Variants in KCNH6 observed in about 807,000 individuals in gnomAD.
KCNH6 encodes voltage-gated inwardly rectifying potassium channel KCNH6.
In KCNH6, 81 loss-of-function variants were observed where a neutral mutation model predicts 83.4. The observed-to-expected ratio is 0.97, with a 90% confidence interval of 0.81 to 1.17. The LOEUF is 1.17. Ranked by LOEUF, KCNH6 falls within the 50% of genes most tolerant of loss-of-function variation. The pLI, the probability that KCNH6 is intolerant of heterozygous loss-of-function variation, is 0.00. For synonymous variants in KCNH6, 503 were observed against 545.6 expected (o/e 0.92, Z 1.09); for missense variants, 1,203 against 1,290.5 (o/e 0.93, Z 1.04).
Position 63,523,483 on chromosome 17 carries a change from G to C in KCNH6, c.70G>C (p.Gly24Arg). Residue 24 changes from glycine (G) to arginine (R), a missense_variant, in exon 1 of 13, where the codon GGC (glycine) becomes CGC (arginine). Coordinates refer to ENST00000314672, the MANE Select transcript of KCNH6 (RefSeq NM_001278919.2). The surrounding 1 kb of genome is among the most constrained non-coding windows in gnomAD (Gnocchi z 4.2). The stretch of plus-strand genomic sequence containing the variant: ...GGACACCATCATCCGCAAGTTCGAG[G>C]GCCAAAGTGAGTGTGTGTATGTTGG... ...YLDTIIRKFEGQSRKFLIANA... is the reference protein window; with the variant it reads ...YLDTIIRKFERQSRKFLIANA... 6.2e-7 allele frequency: 1 copy of C among 1,605,562 alleles called. No individual in the cohort carries two copies. Among genetic ancestry groups the C allele is most frequent in the Non-Finnish European group, 8.5e-7 (1 of 1,175,918 alleles).
intron 10 of KCNH6, chr17:63,543,969 C>T (rs76957877): frequency 0.23 from 261,682 of 1,138,164 alleles, 32,088 homozygotes; most frequent in Middle Eastern, 0.26. Context: ...GGCTGCAGCT[C>T]CCTGGGCAGT....
intron 8 of KCNH6, among the ~76,000 whole-genome samples, chr17:63,541,954 T>C (rs2032885913): frequency 6.6e-6 from 1 of 152,080 alleles, no homozygotes. Flanking sequence ...GAGTATGGGC[T>C]ACAGGAGGGA....
Position 63,530,366 on chromosome 17 carries a change from G to A in KCNH6, c.499G>A (p.Gly167Arg), listed in dbSNP as rs750883087. The A allele has an allele frequency of 1.9e-6, 3 of 1,614,166 alleles. No homozygotes were observed. The highest frequency in any genetic ancestry group is 2.5e-6 in the Non-Finnish European group (3 of 1,179,996). The change falls in exon 4 of 13, where the codon GGG becomes AGG. Residue 167 changes from glycine to arginine, a missense_variant. Gly to Arg is a moderately radical substitution (Grantham distance 125, BLOSUM62 -2). Coordinates refer to ENST00000314672, the MANE Select transcript of KCNH6 (RefSeq NM_001278919.2). ...EGSHGRPGGPGPGTGRGKYRT... is the reference protein window; with the variant it reads ...EGSHGRPGGPRPGTGRGKYRT... ...CTCTCATGGCAGGCCAGGCGGACCA[G>A]GGCCAGGCACAGGCAGGGGCAAGTA...
At chr17:63,540,838 C>A (rs1334951172) in intron 8 of KCNH6, among the ~76,000 whole-genome samples, 1 of 152,230 alleles carries the variant, frequency 6.6e-6, no homozygotes, top group Non-Finnish European at 1.5e-5. Flanking sequence ...CGGCCCTGGG[C>A]TCTCCACCCC....
Position 63,530,318 on chromosome 17 carries a change from C to A in KCNH6, c.470-19C>A, listed in dbSNP as rs1283768280. 5 of 1,614,034 alleles carry A rather than the reference C, an allele frequency of 3.1e-6. No homozygotes were observed. The African/African-American group carries it at 6.7e-5, about 22-fold the overall frequency. ...GGTCCCCTGGCCGTGGCTGCTCTGA[C>A]TCCTGGCCCTGGTTTCAGAGGGCTC... is the stretch of plus-strand genomic sequence containing the variant. On this transcript the variant is annotated intron_variant, in intron 3 of 12. Coordinates refer to ENST00000314672, the MANE Select transcript of KCNH6 (RefSeq NM_001278919.2).
chr17:63,538,207 C>T lies in KCNH6; in HGVS notation c.1644C>T (p.Arg548=). The change falls in exon 7 of 13, where the codon CGC becomes CGT. Residue 548 remains arginine, a synonymous_variant. Transcript: ENST00000314672. This position sits in a 1 kb window ranked among gnomAD's most constrained non-coding sequence, Gnocchi z 4.0. The part of the protein sequence containing the change: ...FHQIPNPLRQ[R]LEEYFQHAWS... Reference sequence around the variant, plus strand: ...AGATCCCCAACCCACTGCGCCAGCGCCTGGAGGAGTATTTCCAGCACGCCT... The same window carrying T: ...AGATCCCCAACCCACTGCGCCAGCGTCTGGAGGAGTATTTCCAGCACGCCT... 1.9e-6 allele frequency: 3 copies of T among 1,614,230 alleles called. No homozygotes were observed. Among genetic ancestry groups the T allele is most frequent in the Non-Finnish European group, 2.5e-6 (3 of 1,180,036 alleles).
In KCNH6 at chr17:63,524,286, C is replaced by T. The variant is rs748712626; in HGVS notation, c.224C>T (p.Pro75Leu). ...GACTTCCTCACAGGCCCCAACACAC[C>T]AAGCAGCGCCGTGTCCCGCCTAGCG... ...TCDFLTGPNT[P>L]SSAVSRLAQA... The change falls in exon 2 of 13, where the codon CCA becomes CTA. Residue 75 changes from proline to leucine, a missense_variant. By Grantham distance (98) the Pro-to-Leu change is moderately conservative. Transcript: ENST00000314672. The T allele has an allele frequency of 6.2e-7, 1 of 1,614,010 alleles. No individual in the cohort carries two copies. Among genetic ancestry groups the T allele is most frequent in the Non-Finnish European group, 8.5e-7 (1 of 1,180,044 alleles).
At chr17:63,544,494 G>A in intron 11 of KCNH6, 83 bp downstream of exon 11, 1 of 1,304,296 alleles carries the variant, frequency 7.7e-7, no homozygotes, top group Non-Finnish European at 1.0e-6. Flanking sequence ...GTGCCAGGTG[G>A]GTTTTAGAAT....
intron 2 of KCNH6, among the ~76,000 whole-genome samples, chr17:63,528,476 C>T (rs2031864328): frequency 6.6e-6 from 1 of 152,184 alleles, no homozygotes; most frequent in Non-Finnish European, 1.5e-5. Flanking sequence ...TGCACCCCAG[C>T]TCTGATGGCT....
In KCNH6 at chr17:63,527,000, T is replaced by C. The variant is rs148948154; in HGVS notation, c.307+2631T>C. Reference sequence around the variant, plus strand: ...GGCAGGACTAGAACTGGTGAGAGTTTGGCAGGAAGAAAGGAGAGCACTCAG... The same window carrying C: ...GGCAGGACTAGAACTGGTGAGAGTTCGGCAGGAAGAAAGGAGAGCACTCAG... On this transcript the variant is annotated intron_variant, in intron 2 of 12. Transcript: ENST00000314672. 9.3e-4 allele frequency among the ~76,000 whole-genome samples: 142 copies of C among 152,206 alleles called. 1 individual carries two copies. Among genetic ancestry groups the C allele is most frequent in the African/African-American group, 3.0e-3 (125 of 41,522 alleles).
At chr17:63,544,176 C>A in intron 10 of KCNH6, 73 bp from the exon 11 acceptor site, 1 of 1,603,686 alleles carries the variant, frequency 6.2e-7, no homozygotes, top group Non-Finnish European at 8.5e-7. Context: ...GGGTGGGGGA[C>A]AGGCTCTATT....
Position 63,543,610 on chromosome 17 carries a change from C to T in KCNH6, c.2183C>T (p.Ala728Val), listed in dbSNP as rs756776280. 1 of 1,613,242 alleles carries T rather than the reference C, an allele frequency of 6.2e-7. No homozygotes were observed. The highest frequency in any genetic ancestry group is 2.2e-5 in the East Asian group (1 of 44,888). Residue 728 changes from alanine to valine, a missense_variant, in exon 10 of 13, where the codon GCT (alanine) becomes GTT (valine). Transcript: ENST00000314672. Reference protein sequence around the residue: ...AGGLHSSPRQAPGSQDHQGFF... With the variant: ...AGGLHSSPRQVPGSQDHQGFF... ...GGTCTCCACTCATCCCCCCGACAGG[C>T]TCCTGGCAGCCAAGACCACCAAGGT...
chr17:63,544,179 G>C, intron 10 of KCNH6, 70 bp from the exon 11 acceptor site: 1 of 1,604,390 alleles, frequency 6.2e-7, no homozygotes, highest in African/African-American at 1.3e-5. Flanking sequence ...TGGGGGACAG[G>C]CTCTATTGAG....
At chr17:63,524,831 T>C (rs118171544) in intron 2 of KCNH6, among the ~76,000 whole-genome samples, 1 of 152,280 alleles carries the variant, frequency 6.6e-6, no homozygotes, top group Non-Finnish European at 1.5e-5. Context: ...CTCAGCTCTT[T>C]GGGGAGACAG....
chr17:63,525,628 C>CTG (rs149604056), intron 2 of KCNH6, among the ~76,000 whole-genome samples: 1 of 151,660 alleles, frequency 6.6e-6, no homozygotes, highest in African/African-American at 2.4e-5. Flanking sequence ...AAGTTCACGC[C>CTG]TGTGTGTGTG....
rs1375148550 is a variant in KCNH6, at chr17:63,546,051, G to A, written c.*149G>A. 6.2e-6 allele frequency: 4 copies of A among 641,258 alleles called. No individual in the cohort carries two copies. The highest frequency in any genetic ancestry group is 2.1e-5 in the South Asian group (1 of 46,992). The allele number at this position is 641,258 out of a possible 1,614,324, so 39.7% of individuals were successfully genotyped here. On this transcript the variant is annotated 3_prime_UTR_variant, in exon 13 of 13. Coordinates refer to ENST00000314672, the MANE Select transcript of KCNH6 (RefSeq NM_001278919.2). ...CGGATCAGACCATCCTGGCTAACAC[G>A]GTGAAACCCCACCTCTACTAAAATT...
rs2032685954 is a variant in KCNH6, at chr17:63,538,647, G to A, written c.1939G>A (p.Val647Ile). The A allele has an allele frequency of 6.3e-7, 1 of 1,594,852 alleles. No homozygotes were observed. The highest frequency in any genetic ancestry group is 1.1e-5 in the South Asian group (1 of 88,444). Reference sequence around the variant, plus strand: ...CATCGAGATCCTGCGCGACGACGTGGTCGTGGCCATCCTAGGTGGGTCCGG... The same window carrying A: ...CATCGAGATCCTGCGCGACGACGTGATCGTGGCCATCCTAGGTGGGTCCGG... ...GSIEILRDDV[V>I]VAILGKNDIF... Residue 647 changes from valine (V) to isoleucine (I), a missense_variant, in exon 8 of 13, where the codon GTC (valine) becomes ATC (isoleucine). Transcript: ENST00000314672. This position sits in a 1 kb window ranked among gnomAD's most constrained non-coding sequence, Gnocchi z 4.0.
At chr17:63,532,641 C>A (rs2032199207) in intron 4 of KCNH6, among the ~76,000 whole-genome samples, 1 of 152,210 alleles carries the variant, frequency 6.6e-6, no homozygotes, top group African/African-American at 2.4e-5. Context: ...CAGATAGGGA[C>A]CCTCTGGTTG....
rs778075808 is a variant in KCNH6 at position 63,542,308 on chromosome 17, G to A, written c.2022G>A (p.Val674=). The A allele has an allele frequency of 1.2e-6, 2 of 1,614,052 alleles. No individual in the cohort carries two copies. Among genetic ancestry groups the A allele is most frequent in the Admixed American group, 3.3e-5 (2 of 60,012 alleles). The change falls in exon 9 of 13, where the codon GTG becomes GTA. Residue 674 remains valine, a synonymous_variant. Transcript: ENST00000314672. ...HAQPGKSSAD[V]RALTYCDLHK... ...AGCCAGGCAAGTCCAGTGCAGACGT[G>A]CGGGCTCTGACCTACTGCGACCTGC...
Sources: gnomAD v4.1 joint callset for allele counts (sites outside exome capture counted in the v4.1 genomes callset) on GRCh38, gnomAD v4.1.1 for gene constraint, Gnocchi (gnomAD v3.1) non-coding constraint, MANE v1.5 for transcripts, NCBI Gene and HGNC (gene_info 2026-07-23, HGNC 2026-07-21) for gene names.